Variants in MBD2 observed in about 807,000 individuals in gnomAD.
MBD2 encodes methyl-CpG binding domain protein 2.
A neutral mutation model predicts 39.3 loss-of-function variants in MBD2; 9 were observed. The observed-to-expected ratio is 0.23, with a 90% CI of 0.14 to 0.40. MBD2 has a LOEUF of 0.40. Ranked by LOEUF, MBD2 falls within the 10% of genes least tolerant of loss-of-function variation. MBD2 has a pLI of 1.00. For missense variants in MBD2, 458 were observed against 532.6 expected (o/e 0.86, Z 1.38); for synonymous variants, 233 against 211.1 (o/e 1.10, Z -0.90).
In MBD2 at chr18:54,177,610, A is replaced by G. The variant is rs111613255; in HGVS notation, c.840+11264T>C. On this transcript the variant is annotated intron_variant, in intron 3 of 6. Transcript: ENST00000256429. The stretch of plus-strand genomic sequence containing the variant: ...ATTCTCCTGCCTCGGCCTCCGGAGT[A>G]GCTGGGACTACAGGCGCCCGCCACC... Among the ~76,000 whole-genome samples, 777 of 151,938 alleles carry G rather than the reference A, an allele frequency of 5.1e-3. 10 individuals are homozygous for G. Among genetic ancestry groups the G allele is most frequent in the African/African-American group, 0.016 (661 of 41,406 alleles).
chr18:54,224,236 G>A lies in MBD2; in HGVS notation c.324C>T (p.Gly108=). The part of the protein sequence containing the change: ...PSGGSGLGGD[G]GGCGGGGSGG... ...CGCTGCCGCCGCCGCCGCAGCCGCCGCCGTCGCCGCCAAGGCCGCTGCCGC... is the reference window on the plus strand; with the variant it reads ...CGCTGCCGCCGCCGCCGCAGCCGCCACCGTCGCCGCCAAGGCCGCTGCCGC... The change falls in exon 1 of 7, where the codon GGC becomes GGT. Residue 108 remains glycine (G), a synonymous_variant. Coordinates refer to ENST00000256429, the MANE Select transcript of MBD2 (RefSeq NM_003927.5). The A allele has an allele frequency of 1.0e-6, 1 of 999,202 alleles. No individual in the cohort carries two copies. The highest frequency in any genetic ancestry group is 1.0e-4 in the East Asian group (1 of 9,882). The allele number at this position is 999,202 out of a possible 1,614,324, so 61.9% of individuals were successfully genotyped here.
intron 2 of MBD2, among the ~76,000 whole-genome samples, chr18:54,190,771 G>A (rs906047632): frequency 6.6e-6 from 1 of 152,050 alleles, no homozygotes; most frequent in Admixed American, 6.6e-5. Flanking sequence ...ATTAAGTGAG[G>A]ACTTACTGAA....
intron 3 of MBD2, among the ~76,000 whole-genome samples, chr18:54,170,180 A>G (rs1374555914): frequency 6.6e-6 from 1 of 152,246 alleles, no homozygotes; most frequent in East Asian, 1.9e-4. Context: ...CATCAACGGA[A>G]GCATAGTTGC....
chr18:54,188,683 T>G (rs1259698228), intron 3 of MBD2, among the ~76,000 whole-genome samples, 191 bp downstream of exon 3: 1 of 152,208 alleles, frequency 6.6e-6, no homozygotes, highest in Non-Finnish European at 1.5e-5. Flanking sequence ...CATTATTAAC[T>G]TCTTAAATTT....
chr18:54,207,098 A>G (rs1013205678), intron 1 of MBD2, among the ~76,000 whole-genome samples: 3 of 152,238 alleles, frequency 2.0e-5, no homozygotes, highest in African/African-American at 7.2e-5. Flanking sequence ...CTCAATGTTG[A>G]CAAAAAAGCT....
At chr18:54,175,140 A>G (rs1317545565) in intron 3 of MBD2, among the ~76,000 whole-genome samples, 1 of 152,256 alleles carries the variant, frequency 6.6e-6, no homozygotes, top group Admixed American at 6.5e-5. Context: ...TGAAATTATA[A>G]TCTCTATTAG....
At chr18:54,202,057 A>G (rs2086412404) in intron 2 of MBD2, among the ~76,000 whole-genome samples, 2 of 151,934 alleles carry the variant, frequency 1.3e-5, no homozygotes, top group Non-Finnish European at 2.9e-5. Flanking sequence ...TTAAAAACAA[A>G]ACATGTTGGG....
At chr18:54,176,143 C>A (rs1267618389) in intron 3 of MBD2, among the ~76,000 whole-genome samples, 1 of 152,218 alleles carries the variant, frequency 6.6e-6, no homozygotes, top group East Asian at 1.9e-4. Flanking sequence ...AAAATTCGCA[C>A]TCAGATGTTT....
intron 6 of MBD2, 95 bp from the exon 7 acceptor site, chr18:54,155,406 T>C (rs1225171538): frequency 6.6e-6 from 1 of 152,134 alleles, no homozygotes; most frequent in Non-Finnish European, 1.5e-5. Flanking sequence ...AGAGATTGAA[T>C]TCCACTTAAG....
At chr18:54,164,826 A>C (rs1390603352) in intron 4 of MBD2, 126 bp from the exon 5 acceptor site, 1 of 648,968 alleles carries the variant, frequency 1.5e-6, no homozygotes, top group Non-Finnish European at 2.6e-6. Context: ...GACATAAGAC[A>C]AAGCAGCAAA....
chr18:54,219,839 C>T (rs1046693595), intron 1 of MBD2, among the ~76,000 whole-genome samples: 19 of 152,202 alleles, frequency 1.2e-4, no homozygotes, highest in Non-Finnish European at 2.1e-4. Context: ...CTCGCTCTGT[C>T]GCCCAGGCTG....
chr18:54,184,901 A>G (rs1337831405), intron 3 of MBD2, among the ~76,000 whole-genome samples: 1 of 152,080 alleles, frequency 6.6e-6, no homozygotes, highest in Non-Finnish European at 1.5e-5. Flanking sequence ...CAGACAGTCA[A>G]TTTTTCTGTC....
chr18:54,204,894 G>T, intron 2 of MBD2, 104 bp downstream of exon 2: 2 of 1,092,224 alleles, frequency 1.8e-6, no homozygotes, highest in South Asian at 1.5e-5. Context: ...GGACATGCAC[G>T]GGACATTTGG....
intron 3 of MBD2, among the ~76,000 whole-genome samples, chr18:54,186,926 A>G (rs1017999706): frequency 4.6e-5 from 7 of 152,200 alleles, no homozygotes; most frequent in African/African-American, 1.4e-4. Context: ...TTCATTTGAG[A>G]ATAATCTCAT....
chr18:54,180,807 A>G (rs2086245162), intron 3 of MBD2, among the ~76,000 whole-genome samples: 1 of 151,774 alleles, frequency 6.6e-6, no homozygotes, highest in African/African-American at 2.4e-5. Context: ...ATCCTCCCTC[A>G]TGACAGTTGT....
chr18:54,212,414 T>C (rs949070199), intron 1 of MBD2, among the ~76,000 whole-genome samples: 1 of 152,216 alleles, frequency 6.6e-6, no homozygotes, highest in Non-Finnish European at 1.5e-5. Context: ...CACTGAGTTC[T>C]GCACTGGTAG....
At chr18:54,173,448 G>T (rs2086191675) in intron 3 of MBD2, among the ~76,000 whole-genome samples, 1 of 152,236 alleles carries the variant, frequency 6.6e-6, no homozygotes, top group Non-Finnish European at 1.5e-5. Context: ...AGCTGGCATT[G>T]GTGGCAAGTA....
intron 3 of MBD2, 151 bp downstream of exon 3, chr18:54,188,723 C>A: frequency 1.5e-6 from 1 of 657,190 alleles, no homozygotes. Flanking sequence ...CTAAATTTTG[C>A]ATACTTCAGC....
intron 2 of MBD2, among the ~76,000 whole-genome samples, chr18:54,194,557 G>GTATATATATATATATATATATATA (rs147119140): frequency 1.5e-4 from 22 of 148,710 alleles, no homozygotes; most frequent in African/African-American, 4.2e-4. Context: ...GTGTGTGTGT[G>GTATATATATATATATATATATATA]TATATATATA....
Sources: allele counts gnomAD v4.1 joint callset (sites outside exome capture counted in the v4.1 genomes callset), GRCh38; gene constraint gnomAD v4.1.1; transcripts MANE v1.5; gene names NCBI Gene and HGNC (gene_info 2026-07-23, HGNC 2026-07-21).